The following SOX6 variants were observed in gnomAD, a reference collection of about 807,000 sequenced individuals.
The protein encoded by SOX6 is SRY-box transcription factor 6, also known as transcription factor SOX-6.
A neutral mutation model predicts 97.8 loss-of-function variants in SOX6; 11 were observed. The observed-to-expected ratio is 0.11, with a 90% CI of 0.07 to 0.19. The LOEUF is 0.19. SOX6 is among the 10% of genes least tolerant of loss of function. SOX6 has a pLI of 1.00. For missense variants in SOX6, 810 were observed against 1,039.5 expected (o/e 0.78, Z 3.04); for synonymous variants, 360 against 371.4 (o/e 0.97, Z 0.35).
intron 3 of SOX6, among the ~76,000 whole-genome samples, chr11:16,640,544 C>G (rs1848892426): frequency 6.6e-6 from 1 of 152,084 alleles, no homozygotes; most frequent in Non-Finnish European, 1.5e-5. Context: ...TGGTCCTGGA[C>G]TTTTTTTGGT....
intron 3 of SOX6, among the ~76,000 whole-genome samples, chr11:16,704,433 T>C (rs1290115763): frequency 2.0e-5 from 3 of 152,058 alleles, no homozygotes; most frequent in Non-Finnish European, 1.5e-5. Context: ...AAAAAAAGTA[T>C]GTAACCATTT....
At chr11:16,012,637 G>C (rs1245514873) in intron 13 of SOX6, among the ~76,000 whole-genome samples, 1 of 151,986 alleles carries the variant, frequency 6.6e-6, no homozygotes, top group East Asian at 1.9e-4. Flanking sequence ...GTCACAAGGA[G>C]TTTGTTCAGA....
chr11:16,119,123 A>G (rs1849426340), intron 6 of SOX6, among the ~76,000 whole-genome samples: 1 of 152,154 alleles, frequency 6.6e-6, no homozygotes, highest in Admixed American at 6.6e-5. Context: ...CATTTGCATA[A>G]AGTATTACCA....
chr11:16,181,687 C>A (rs1285219486), intron 6 of SOX6, among the ~76,000 whole-genome samples: 1 of 151,556 alleles, frequency 6.6e-6, no homozygotes, highest in African/African-American at 2.4e-5. Context: ...TGAATGGTCT[C>A]ACATGTAGAA....
At chr11:16,704,747 T>C (rs986960356) in intron 3 of SOX6, among the ~76,000 whole-genome samples, 1 of 152,240 alleles carries the variant, frequency 6.6e-6, no homozygotes, top group African/African-American at 2.4e-5. Context: ...AGGTGGGCTT[T>C]ATAAAACATA....
rs375691555 is a variant in SOX6 at position 16,341,272 on chromosome 11, C to T, written c.-4-20G>A. Reference sequence around the variant, plus strand: ...ATTCTTCTGCAGAAAAAAAACAGAACGGATTAAAAATGGCTGTCAATAACA... The same window carrying T: ...ATTCTTCTGCAGAAAAAAAACAGAATGGATTAAAAATGGCTGTCAATAACA... On this transcript the variant is annotated intron_variant, in intron 1 of 15. Coordinates refer to ENST00000683767, the MANE Select transcript of SOX6 (RefSeq NM_001367873.1). 1.6e-5 allele frequency: 26 copies of T among 1,611,532 alleles called. No individual in the cohort carries two copies. The African/African-American group carries it at 1.9e-4, about 12-fold the overall frequency.
intron 12 of SOX6, among the ~76,000 whole-genome samples, chr11:16,039,760 G>C (rs1429648263): frequency 1.3e-5 from 2 of 152,004 alleles, no homozygotes. Flanking sequence ...TAATTGATTT[G>C]TTATTGTTAT....
chr11:16,419,917 AC>A (rs1858993437), intron 1 of SOX6, among the ~76,000 whole-genome samples: 1 of 152,208 alleles, frequency 6.6e-6, no homozygotes, highest in African/African-American at 2.4e-5. Flanking sequence ...GACTTTAAGA[AC>A]ATCCCTACAT....
At chr11:16,673,948 G>A (rs1847865456) in intron 3 of SOX6, among the ~76,000 whole-genome samples, 1 of 152,120 alleles carries the variant, frequency 6.6e-6, no homozygotes, top group African/African-American at 2.4e-5. Context: ...CCAGCACTTT[G>A]GGAGGCCGAG....
chr11:15,980,978 C>G (rs1853637689), intron 15 of SOX6, among the ~76,000 whole-genome samples: 2 of 152,080 alleles, frequency 1.3e-5, no homozygotes, highest in African/African-American at 4.8e-5. Flanking sequence ...AGAAATAATG[C>G]CTCATGTACC....
chr11:15,983,513 G>A lies in SOX6; in HGVS notation c.2183+2691C>T, dbSNP rs370284095. ...TGATCTGAACCCATTCCATCAAAAC[G>A]TCAATAGAAATATTTGAATTTTTGT... On this transcript the variant is annotated intron_variant, in intron 15 of 15. Coordinates refer to ENST00000683767, the MANE Select transcript of SOX6 (RefSeq NM_001367873.1). Among the ~76,000 whole-genome samples, 50 of 152,092 alleles carry A rather than the reference G, an allele frequency of 3.3e-4. 2 individuals are homozygous for A. Among genetic ancestry groups the A allele is most frequent in the East Asian group, 1.9e-4 (1 of 5,176 alleles).
intron 12 of SOX6, among the ~76,000 whole-genome samples, chr11:16,035,977 G>T (rs1855507540): frequency 6.6e-6 from 1 of 152,008 alleles, no homozygotes; most frequent in Non-Finnish European, 1.5e-5. Flanking sequence ...GTAACACCCT[G>T]TGGCTGGATT....
chr11:16,241,641 A>G (rs1837097), intron 3 of SOX6, among the ~76,000 whole-genome samples: 143,576 of 152,010 alleles, frequency 0.94, 68,347 homozygotes, highest in East Asian at 1. Flanking sequence ...TCATAGTTCT[A>G]TGTTGCTTGC....
chr11:16,082,583 T>G (rs1848494089), intron 9 of SOX6, among the ~76,000 whole-genome samples: 1 of 152,130 alleles, frequency 6.6e-6, no homozygotes, highest in Admixed American at 6.5e-5. Flanking sequence ...TCTTAAACAG[T>G]TTTGTTTATT....
chr11:16,492,248 G>A (rs983688686), intron 4 of SOX6, among the ~76,000 whole-genome samples: 2 of 152,180 alleles, frequency 1.3e-5, no homozygotes, highest in Non-Finnish European at 2.9e-5. Context: ...AAATAGAAAA[G>A]ATGCCATTGG....
At chr11:16,616,110 A>T (rs1345378975) in intron 3 of SOX6, among the ~76,000 whole-genome samples, 1 of 152,118 alleles carries the variant, frequency 6.6e-6, no homozygotes, top group Non-Finnish European at 1.5e-5. Flanking sequence ...CCATTTATAG[A>T]CCCACTTGCC....
At chr11:16,107,505 A>C (rs913271007) in intron 7 of SOX6, among the ~76,000 whole-genome samples, 3 of 150,538 alleles carry the variant, frequency 2.0e-5, no homozygotes, top group African/African-American at 7.3e-5. Context: ...TGGACCTTGA[A>C]ATGTTATGCT....
chr11:16,462,814 T>C (rs1406926113), intron 1 of SOX6, among the ~76,000 whole-genome samples: 1 of 152,114 alleles, frequency 6.6e-6, no homozygotes, highest in Non-Finnish European at 1.5e-5. Flanking sequence ...TTACTGAAAG[T>C]CAACTTAGCA....
At chr11:16,394,250 A>T (rs1257400031) in intron 1 of SOX6, among the ~76,000 whole-genome samples, 2 of 152,014 alleles carry the variant, frequency 1.3e-5, no homozygotes, top group African/African-American at 4.8e-5. Context: ...TAAGTAAAAA[A>T]ATGTATAAGA....
Sources: allele counts gnomAD v4.1 joint callset (sites outside exome capture counted in the v4.1 genomes callset), GRCh38; gene constraint gnomAD v4.1.1; transcripts MANE v1.5; gene names NCBI Gene and HGNC (gene_info 2026-07-23, HGNC 2026-07-21).